Variants in DYNC2H1 observed in about 807,000 individuals in gnomAD.
DYNC2H1 encodes dynein cytoplasmic 2 heavy chain 1.
A neutral mutation model predicts 570.0 loss-of-function variants in DYNC2H1; 410 were observed. That is an observed-to-expected ratio of 0.72 (90% CI 0.66 to 0.78). The LOEUF is 0.78. Among genes scored for constraint, DYNC2H1 ranks in the 30% least tolerant of loss-of-function variants. DYNC2H1 has a pLI of 0.00. For missense variants in DYNC2H1, 4,865 were observed against 5,046.4 expected, an observed-to-expected ratio of 0.96 and a Z score of 1.09; for synonymous variants, 1,688 against 1,677.6, an observed-to-expected ratio of 1.01 and a Z score of -0.15.
chr11:103,409,375 C>A (rs751459852), intron 84 of DYNC2H1, among the ~76,000 whole-genome samples: 1 of 151,290 alleles, frequency 6.6e-6, no homozygotes, highest in Non-Finnish European at 1.5e-5. Context: ...ATTAGTCCAA[C>A]GTAATGTTAG....
chr11:103,322,138 A>G lies in DYNC2H1; in HGVS notation c.11934+901A>G, dbSNP rs144604756. ...TTTACTCATTCATTCAATAATATGC[A>G]TTGAACATCTGCTCAGTGATAGTGC... On this transcript the variant is annotated intron_variant, in intron 81 of 88. Transcript: ENST00000375735. Among the ~76,000 whole-genome samples the G allele has an allele frequency of 3.2e-4, 49 of 152,272 alleles. No homozygotes were observed. The East Asian group carries it at 9.3e-3, about 29-fold the overall frequency.
intron 73 of DYNC2H1, among the ~76,000 whole-genome samples, chr11:103,285,720 C>T (rs1049805350): frequency 4.6e-5 from 7 of 151,838 alleles, no homozygotes; most frequent in East Asian, 3.9e-4. Context: ...CCACTGTGCC[C>T]GGCTGAGAGG....
intron 38 of DYNC2H1, among the ~76,000 whole-genome samples, 191 bp from the exon 39 acceptor site, chr11:103,178,835 T>C (rs1391175420): frequency 6.6e-6 from 1 of 152,076 alleles, no homozygotes; most frequent in Non-Finnish European, 1.5e-5. Flanking sequence ...TTTTGTATGT[T>C]TATAGATAAA....
intron 59 of DYNC2H1, among the ~76,000 whole-genome samples, chr11:103,225,084 T>C (rs1200998217): frequency 6.6e-6 from 1 of 152,202 alleles, no homozygotes; most frequent in East Asian, 1.9e-4. Flanking sequence ...CTTAGCCCAC[T>C]TTTTGATGGA....
intron 82 of DYNC2H1, among the ~76,000 whole-genome samples, chr11:103,337,461 A>G (rs534272403): frequency 7.9e-5 from 12 of 152,276 alleles, no homozygotes; most frequent in Non-Finnish European, 1.2e-4. Flanking sequence ...AGGAACATCC[A>G]TACTGTTTTC....
rs1864535843 is a variant in DYNC2H1 at position 103,244,547 on chromosome 11, A to G, written c.9919-704A>G. Among the ~76,000 whole-genome samples, 1 of 149,252 alleles carries G rather than the reference A, an allele frequency of 6.7e-6. No homozygotes were observed. Among genetic ancestry groups the G allele is most frequent in the South Asian group, 2.1e-4 (1 of 4,800 alleles). ...TCATTTATGGCTTGCATATATGCAA[A>G]TCATTTATGGTTTGCAATATTATAT... On this transcript the variant is annotated intron_variant, in intron 64 of 88. Coordinates refer to ENST00000375735, the MANE Select transcript of DYNC2H1 (RefSeq NM_001377.3). This position sits in a 1 kb window ranked among gnomAD's most constrained non-coding sequence, Gnocchi z 4.3.
chr11:103,321,763 T>C (rs975911209), intron 81 of DYNC2H1, among the ~76,000 whole-genome samples: 2 of 152,156 alleles, frequency 1.3e-5, no homozygotes, highest in Non-Finnish European at 2.9e-5. Context: ...GAAAGCCTCC[T>C]AGAATGTACT....
At chr11:103,435,754 C>T (rs1374567652) in intron 84 of DYNC2H1, among the ~76,000 whole-genome samples, 189 bp from the exon 85 acceptor site, 1 of 152,052 alleles carries the variant, frequency 6.6e-6, no homozygotes, top group Non-Finnish European at 1.5e-5. Flanking sequence ...GGAACTTGTA[C>T]TTTCCTTCCT....
chr11:103,337,179 T>C (rs562563603), intron 82 of DYNC2H1, among the ~76,000 whole-genome samples: 1 of 152,226 alleles, frequency 6.6e-6, no homozygotes, highest in Non-Finnish European at 1.5e-5. Context: ...CCCTTTATTT[T>C]GGCCCATCCC....
intron 83 of DYNC2H1, among the ~76,000 whole-genome samples, chr11:103,366,725 T>A (rs1476274974): frequency 2.0e-5 from 3 of 152,168 alleles, no homozygotes; most frequent in African/African-American, 7.2e-5. Flanking sequence ...ATTGTCATAA[T>A]GACTAGATTA....
At chr11:103,136,013 TA>T in intron 17 of DYNC2H1, 65 bp downstream of exon 17, 2 of 1,319,288 alleles carry the variant, frequency 1.5e-6, no homozygotes, top group Non-Finnish European at 2.0e-6. Flanking sequence ...GAATTTACAT[TA>T]AATGTATACA....
intron 83 of DYNC2H1, among the ~76,000 whole-genome samples, chr11:103,376,028 A>G (rs1044115502): frequency 6.6e-6 from 1 of 152,194 alleles, no homozygotes; most frequent in African/African-American, 2.4e-5. Flanking sequence ...AGGCAATTGA[A>G]TAATGGGGGC....
At chr11:103,455,342 G>A (rs2135805899) in intron 86 of DYNC2H1, 47 bp downstream of exon 86, 1 of 1,535,954 alleles carries the variant, frequency 6.5e-7, no homozygotes, top group Non-Finnish European at 9.0e-7. Flanking sequence ...ACGGTAATTA[G>A]TTTTGCTTTA....
rs1031935764 is a variant in DYNC2H1, at chr11:103,244,693, T to C, written c.9919-558T>C. Reference sequence around the variant, plus strand: ...TACTATATATCTATGGTTATAGTTATATACATATATCACTATACTATATAT... The same window carrying C: ...TACTATATATCTATGGTTATAGTTACATACATATATCACTATACTATATAT... On this transcript the variant is annotated intron_variant, in intron 64 of 88. Transcript: ENST00000375735. This position sits in a 1 kb window ranked among gnomAD's most constrained non-coding sequence, Gnocchi z 4.3. Among the ~76,000 whole-genome samples, 4 of 148,270 alleles carry C rather than the reference T, an allele frequency of 2.7e-5. No homozygotes were observed. Among genetic ancestry groups the C allele is most frequent in the African/African-American group, 7.3e-5 (3 of 40,874 alleles).
Position 103,395,579 on chromosome 11 carries a change from A to C in DYNC2H1, c.12157-4084A>C, listed in dbSNP as rs116832816. The stretch of plus-strand genomic sequence containing the variant: ...TTATTATCACAGAATTATTGCAGCT[A>C]TTCTCTAATTTATGATCCCTCAGGT... On this transcript the variant is annotated intron_variant, in intron 83 of 88. Transcript: ENST00000375735. The surrounding 1 kb of genome is among the most constrained non-coding windows in gnomAD (Gnocchi z 4.3). Among the ~76,000 whole-genome samples, 1 of 151,986 alleles carries C rather than the reference A, an allele frequency of 6.6e-6. No homozygotes were observed. Among genetic ancestry groups the C allele is most frequent in the Admixed American group, 6.6e-5 (1 of 15,250 alleles).
intron 83 of DYNC2H1, among the ~76,000 whole-genome samples, chr11:103,387,146 A>G (rs1283195161): frequency 2.0e-5 from 3 of 152,156 alleles, no homozygotes; most frequent in Non-Finnish European, 4.4e-5. Context: ...ATTTCTCCAC[A>G]TCCTCTCCAG....
In DYNC2H1 at chr11:103,161,037, A is replaced by T. The variant is rs1216651991; in HGVS notation, c.4484A>T (p.Asn1495Ile). Residue 1495 changes from asparagine (N) to isoleucine (I), a missense_variant, in exon 29 of 89, where the codon AAT becomes ATT. Asn to Ile is a moderately radical substitution (Grantham distance 149). Transcript: ENST00000375735. ...PFKNKVPLSNNVETWLNDLAL... is the reference protein window; with the variant it reads ...PFKNKVPLSNIVETWLNDLAL... The stretch of plus-strand genomic sequence containing the variant: ...AAAAATAAAGTTCCTCTATCAAATA[A>T]TGTAGAGGTAAGCAATTCTTTTTCA... 7.0e-7 allele frequency: 1 copy of T among 1,427,424 alleles called. No homozygotes were observed. The highest frequency in any genetic ancestry group is 9.4e-7 in the Non-Finnish European group (1 of 1,060,718). The allele number at this position is 1,427,424 out of a possible 1,614,324, so 88.4% of individuals were successfully genotyped here.
rs764769351 is a variant in DYNC2H1, at chr11:103,120,525, C to T, written c.1078C>T (p.Arg360Ter). 4.3e-6 allele frequency: 7 copies of T among 1,612,996 alleles called. No individual in the cohort carries two copies. Among genetic ancestry groups the T allele is most frequent in the East Asian group, 2.2e-5 (1 of 44,790 alleles). ...TGAAGAGAAAATCATATGCCTCACT[C>T]GAGTATTTGAACCTTTTACTGGCCT... ...ASEEKIICLT[R>*]VFEPFTGLNP... Residue 360 changes from arginine (R) to a stop codon, truncating the protein, a stop_gained, in exon 7 of 89, where the codon CGA becomes TGA. Transcript: ENST00000375735. LOFTEE classifies it high-confidence loss of function.
chr11:103,329,045 T>TACA, intron 82 of DYNC2H1, among the ~76,000 whole-genome samples: 1 of 152,034 alleles, frequency 6.6e-6, no homozygotes, highest in Non-Finnish European at 1.5e-5. Context: ...TAGGACAGAC[T>TACA]TCAGATGTAG....
Sources: allele counts gnomAD v4.1 joint callset (sites outside exome capture counted in the v4.1 genomes callset), GRCh38; gene constraint gnomAD v4.1.1; non-coding constraint Gnocchi (gnomAD v3.1); transcripts MANE v1.5; gene names NCBI Gene and HGNC (gene_info 2026-07-23, HGNC 2026-07-21).